LRRC28: variants seen among roughly 807,000 people sequenced by gnomAD.
LRRC28 encodes the protein leucine rich repeat containing 28.
A neutral mutation model predicts 45.7 loss-of-function variants in LRRC28; 39 were observed. The ratio of observed to expected loss-of-function variants is 0.85; its 90% CI spans 0.66 to 1.12. The LOEUF is 1.12. Ranked by LOEUF, LRRC28 falls within the 50% of genes most tolerant of loss-of-function variation. The pLI is 0.00. For synonymous variants in LRRC28, 206 were observed against 178.8 expected (o/e 1.15, Z -1.22); for missense variants, 435 against 438.5 (o/e 0.99, Z 0.07).
chr15:99,353,100 CCTT>C (rs1295741504), intron 7 of LRRC28, among the ~76,000 whole-genome samples: 1 of 152,172 alleles, frequency 6.6e-6, no homozygotes, highest in African/African-American at 2.4e-5. Context: ...TTCATCTTCT[CCTT>C]CTACAACGCT....
intron 5 of LRRC28, among the ~76,000 whole-genome samples, chr15:99,301,948 C>T (rs1378478308): frequency 6.6e-6 from 1 of 151,830 alleles, no homozygotes; most frequent in Non-Finnish European, 1.5e-5. Context: ...TTTCTACATA[C>T]CACTCTTAAA....
At chr15:99,307,519 G>C (rs58756774) in intron 5 of LRRC28, among the ~76,000 whole-genome samples, 2,525 of 152,328 alleles carry the variant, frequency 0.017, 23 homozygotes, top group Non-Finnish European at 0.019. Context: ...CCTAGCATCA[G>C]AGACCAAAGA....
At chr15:99,262,497 A>G (rs2081225481) in intron 2 of LRRC28, among the ~76,000 whole-genome samples, 1 of 152,166 alleles carries the variant, frequency 6.6e-6, no homozygotes, top group Non-Finnish European at 1.5e-5. Context: ...CAGGAGAATC[A>G]CTTGAACCTG....
chr15:99,353,600 T>A (rs1236569725), intron 7 of LRRC28: 2 of 152,250 alleles, frequency 1.3e-5, no homozygotes, highest in Non-Finnish European at 2.9e-5. Flanking sequence ...GCTGTGATAC[T>A]ATGTAGTCAT....
intron 5 of LRRC28, among the ~76,000 whole-genome samples, chr15:99,296,430 C>T (rs759353953): frequency 2.6e-5 from 4 of 152,208 alleles, no homozygotes; most frequent in Admixed American, 6.5e-5. Context: ...CCACGTTACC[C>T]TCCTTAGGCA....
At chr15:99,360,688 A>G (rs1040801608) in intron 7 of LRRC28, among the ~76,000 whole-genome samples, 2 of 152,192 alleles carry the variant, frequency 1.3e-5, no homozygotes, top group African/African-American at 2.4e-5. Context: ...TAGGTTACCC[A>G]ATGGTTTCAC....
At chr15:99,287,167 T>C in intron 3 of LRRC28, 90 bp from the exon 4 acceptor site, 1 of 1,115,880 alleles carries the variant, frequency 9.0e-7, no homozygotes, top group Non-Finnish European at 1.3e-6. Context: ...TATTTATATT[T>C]GATAAATTTC....
intron 3 of LRRC28, among the ~76,000 whole-genome samples, chr15:99,286,493 C>T (rs2081963707): frequency 6.6e-6 from 1 of 152,198 alleles, no homozygotes; most frequent in Non-Finnish European, 1.5e-5. Context: ...ATCTTGTTCT[C>T]TTGTCTCTAA....
intron 9 of LRRC28, among the ~76,000 whole-genome samples, chr15:99,385,797 C>A (rs1253007851): frequency 6.7e-6 from 1 of 148,806 alleles, no homozygotes; most frequent in East Asian, 2.0e-4. Context: ...ATCTTCTGAA[C>A]GCTGCTATTA....
intron 9 of LRRC28, among the ~76,000 whole-genome samples, chr15:99,378,296 T>C (rs1317250663): frequency 6.6e-6 from 1 of 152,246 alleles, no homozygotes; most frequent in Non-Finnish European, 1.5e-5. Context: ...TTTTATTCTC[T>C]TTGAAGCAAT....
rs1483336707 is a variant in LRRC28 at position 99,287,250 on chromosome 15, T to C, written c.210-7T>C. 1 of 1,572,296 alleles carries C rather than the reference T, an allele frequency of 6.4e-7. No homozygotes were observed. The highest frequency in any genetic ancestry group is 1.4e-5 in the African/African-American group (1 of 72,986). Reference sequence around the variant, plus strand: ...TAATGGCTGTTTTTTTTCTTTTTCCTTCCTAGATACCTGCACTCAAATAAC... The same window carrying C: ...TAATGGCTGTTTTTTTTCTTTTTCCCTCCTAGATACCTGCACTCAAATAAC... On this transcript the variant is annotated splice_polypyrimidine_tract_variant and splice_region_variant and intron_variant, in intron 3 of 9. Transcript: ENST00000301981.
intron 2 of LRRC28, among the ~76,000 whole-genome samples, chr15:99,273,966 A>G (rs1213795463): frequency 1.3e-5 from 2 of 152,256 alleles, no homozygotes; most frequent in Non-Finnish European, 2.9e-5. Context: ...ATGTATGCCC[A>G]TAAACGGAAG....
Position 99,375,117 on chromosome 15 carries a change from T to G in LRRC28, c.1032-10913T>G, listed in dbSNP as rs370063685. Among the ~76,000 whole-genome samples, 27 of 152,348 alleles carry G rather than the reference T, an allele frequency of 1.8e-4. No individual in the cohort carries two copies. In the East Asian group the frequency reaches 4.8e-3, roughly 27 times the overall value. ...AACCCTACTGATAAGCAGGGGTTTT[T>G]GGTATGTTCTCTTTATTAAATTAAG... On this transcript the variant is annotated intron_variant, in intron 9 of 9. Transcript: ENST00000301981.
At chr15:99,357,682 A>C (rs964652811) in intron 7 of LRRC28, among the ~76,000 whole-genome samples, 10 of 152,172 alleles carry the variant, frequency 6.6e-5, no homozygotes, top group African/African-American at 1.7e-4. Flanking sequence ...GTACTTTTCT[A>C]TATGATTATA....
chr15:99,258,630 G>T, intron 2 of LRRC28: 2 of 751,752 alleles, frequency 2.7e-6, no homozygotes, highest in South Asian at 1.4e-5. Flanking sequence ...ACTTATGAAT[G>T]ATATCAAACC....
At chr15:99,257,872 A>C (rs1229949248) in intron 2 of LRRC28, 8 of 775,538 alleles carry the variant, frequency 1.0e-5, no homozygotes, top group Non-Finnish European at 1.9e-5. Flanking sequence ...TTCCAAGCTG[A>C]AGTTAACAGA....
intron 2 of LRRC28, among the ~76,000 whole-genome samples, chr15:99,270,931 T>A (rs1266243933): frequency 6.6e-6 from 1 of 152,228 alleles, no homozygotes; most frequent in Non-Finnish European, 1.5e-5. Context: ...CTTGTTACTT[T>A]TCTTTTTTTG....
chr15:99,259,024 C>A, intron 2 of LRRC28: 1 of 808,582 alleles, frequency 1.2e-6, no homozygotes, highest in Non-Finnish European at 2.2e-6. Context: ...AAACTCTGGA[C>A]ATGATCAAGA....
At chr15:99,275,146 G>A (rs1342189718) in intron 2 of LRRC28, among the ~76,000 whole-genome samples, 2 of 152,220 alleles carry the variant, frequency 1.3e-5, no homozygotes, top group African/African-American at 4.8e-5. Flanking sequence ...CTATATACTT[G>A]TGTGTGTGCG....
Sources: allele counts gnomAD v4.1 joint callset (sites outside exome capture counted in the v4.1 genomes callset), GRCh38; gene constraint gnomAD v4.1.1; transcripts MANE v1.5; gene names NCBI Gene and HGNC (gene_info 2026-07-23, HGNC 2026-07-21).